Variants in HTT observed in about 807,000 individuals in gnomAD.
HTT encodes the protein huntington disease protein.
HTT carries 104 observed loss-of-function variants against 362.3 expected under a neutral mutation model. The observed-to-expected ratio is 0.29, with a 90% CI of 0.24 to 0.34. The LOEUF is 0.34. HTT is among the 10% of genes least tolerant of loss of function. The probability of loss-of-function intolerance (pLI) is 1.00; values close to 1 mark genes in which losing one functional copy is unlikely to be tolerated. For missense variants in HTT, 3,301 were observed against 3,928.6 expected (o/e 0.84, Z 4.27); for synonymous variants, 1,577 against 1,548.7 (o/e 1.02, Z -0.43).
At chr4:3,096,317 G>A (rs1578494506) in intron 2 of HTT, among the ~76,000 whole-genome samples, 1 of 152,176 alleles carries the variant, frequency 6.6e-6, no homozygotes, top group African/African-American at 2.4e-5. Context: ...TGTAGAACAC[G>A]TAGCCATAAT....
intron 1 of HTT, among the ~76,000 whole-genome samples, chr4:3,079,604 A>C (rs572428873): frequency 6.6e-6 from 1 of 152,354 alleles, no homozygotes; most frequent in South Asian, 2.1e-4. Flanking sequence ...AGTAAGGTCC[A>C]AGAGGTCAAG....
chr4:3,186,624 G>C lies in HTT; in HGVS notation c.4894G>C (p.Gly1632Arg). ...QMHIDSHEALGVLNTLFEILA... is the reference protein window; with the variant it reads ...QMHIDSHEALRVLNTLFEILA... The stretch of plus-strand genomic sequence containing the variant: ...GCACATTGACTCTCATGAAGCCCTT[G>C]GAGTGTTAAATACATTATTTGAGAT... Residue 1632 changes from glycine to arginine, a missense_variant, in exon 38 of 67, where the codon GGA (glycine) becomes CGA (arginine). Gly to Arg is a moderately radical substitution (Grantham distance 125). This residue lies in a region of HTT where 2,316 missense variants were observed against 2,658.5 expected (regional missense o/e 0.87). Transcript: ENST00000355072. 6.2e-7 allele frequency: 1 copy of C among 1,610,194 alleles called. No individual in the cohort carries two copies. The highest frequency in any genetic ancestry group is 8.5e-7 in the Non-Finnish European group (1 of 1,177,446).
rs368380145 is a variant in HTT, at chr4:3,220,247, C to T, written c.7308C>T (p.Pro2436=). 27 of 1,614,084 alleles carry T rather than the reference C, an allele frequency of 1.7e-5. No homozygotes were observed. The East Asian group carries it at 4.0e-4, about 24-fold the overall frequency. ...GDFGTAFPEI[P]VEFLQEKEVF... is the part of the protein sequence containing the mutation. ...TTGGCACAGCATTCCCTGAGATCCC[C>T]GTGGAGTTCCTCCAGGAAAAGGAAG... Residue 2436 remains proline, a synonymous_variant, in exon 53 of 67, where the codon CCC becomes CCT. Transcript: ENST00000355072.
chr4:3,213,301 G>C (rs1160152924), intron 49 of HTT, among the ~76,000 whole-genome samples: 1 of 152,232 alleles, frequency 6.6e-6, no homozygotes, highest in Admixed American at 6.5e-5. Flanking sequence ...CATATGGTTT[G>C]TGATCCCTGT....
At position 3,225,752 on chromosome 4, in the gene HTT, C is replaced by G; in HGVS notation, c.7848+9C>G. ...GCTACAAACTCGGCCAGGTCAGTCT[C>G]GCGCCCCCGCCGCCTGGCCTCTGTC... On this transcript the variant is annotated intron_variant, in intron 57 of 66. Coordinates refer to ENST00000355072, the MANE Select transcript of HTT (RefSeq NM_001388492.1). 6.2e-7 allele frequency: 1 copy of G among 1,609,550 alleles called. No homozygotes were observed. Among genetic ancestry groups the G allele is most frequent in the Non-Finnish European group, 8.5e-7 (1 of 1,177,324 alleles).
chr4:3,221,308 C>T (rs1458438927), intron 53 of HTT, among the ~76,000 whole-genome samples: 6 of 152,196 alleles, frequency 3.9e-5, no homozygotes, highest in East Asian at 1.9e-4. Flanking sequence ...CCTCACGGAG[C>T]TCCTCCTCTT....
chr4:3,205,901 A>G (rs1300257263), intron 42 of HTT, among the ~76,000 whole-genome samples: 1 of 152,224 alleles, frequency 6.6e-6, no homozygotes, highest in Non-Finnish European at 1.5e-5. Context: ...AAGGCTCTGC[A>G]TGTTTAAAAA....
chr4:3,148,792 C>T (rs530777776), intron 26 of HTT, among the ~76,000 whole-genome samples: 6 of 147,556 alleles, frequency 4.1e-5, no homozygotes, highest in South Asian at 2.2e-4. Context: ...AGCGAGACTC[C>T]GTCTCAAAAA....
At position 3,238,998 on chromosome 4, in the gene HTT, G is replaced by C; in HGVS notation, c.9215+20G>C. 6.3e-7 allele frequency: 1 copy of C among 1,590,524 alleles called. No individual in the cohort carries two copies. Among genetic ancestry groups the C allele is most frequent in the Non-Finnish European group, 8.5e-7 (1 of 1,170,906 alleles). On this transcript the variant is annotated intron_variant, in intron 66 of 66. Transcript: ENST00000355072. ...GGCGATGTATCCTCTCTGGGTCCCTGGTGCTGGCCCCGTTTCCCTTGTCAA... is the reference window on the plus strand; with the variant it reads ...GGCGATGTATCCTCTCTGGGTCCCTCGTGCTGGCCCCGTTTCCCTTGTCAA...
intron 6 of HTT, among the ~76,000 whole-genome samples, 196 bp from the exon 7 acceptor site, chr4:3,115,108 A>C (rs1223846718): frequency 2.0e-5 from 3 of 152,216 alleles, no homozygotes. Flanking sequence ...TAAAGAAGCA[A>C]ATAGACTACA....
chr4:3,160,844 G>A (rs1402170718), intron 29 of HTT, among the ~76,000 whole-genome samples: 1 of 152,100 alleles, frequency 6.6e-6, no homozygotes, highest in Non-Finnish European at 1.5e-5. Context: ...CAGAAAGTCA[G>A]CGGCAGAGCC....
intron 40 of HTT, among the ~76,000 whole-genome samples, chr4:3,191,435 G>T (rs1264411031): frequency 6.6e-6 from 1 of 152,122 alleles, no homozygotes; most frequent in South Asian, 2.1e-4. Context: ...GCCTCCCAAA[G>T]TGCTGGGATT....
At chr4:3,103,349 C>A (rs768835602) in intron 3 of HTT, among the ~76,000 whole-genome samples, 1 of 150,668 alleles carries the variant, frequency 6.6e-6, no homozygotes, top group Non-Finnish European at 1.5e-5. Flanking sequence ...CTCAGCCTCT[C>A]GAGTAGCTGG....
At chr4:3,088,745 T>C (rs1456282113) in intron 2 of HTT, among the ~76,000 whole-genome samples, 1 of 152,192 alleles carries the variant, frequency 6.6e-6, no homozygotes, top group Admixed American at 6.5e-5. Context: ...TTGTGTTTTT[T>C]TTTTGGTGAT....
chr4:3,206,773 A>T lies in HTT; in HGVS notation c.5899-34A>T. On this transcript the variant is annotated intron_variant, in intron 43 of 66. Transcript: ENST00000355072. This position sits in a 1 kb window ranked among gnomAD's most constrained non-coding sequence, Gnocchi z 4.6. ...AACTTTAATTTCTGATTTGCAAAAT[A>T]GTCATCTTTTGTTCTTTTCCTTCTT... 6.3e-7 allele frequency: 1 copy of T among 1,591,388 alleles called. No homozygotes were observed. Among genetic ancestry groups the T allele is most frequent in the Non-Finnish European group, 8.6e-7 (1 of 1,166,674 alleles).
chr4:3,105,607 C>T (rs3733217), intron 5 of HTT, among the ~76,000 whole-genome samples, 171 bp downstream of exon 5: 5,817 of 152,290 alleles, frequency 0.038, 189 homozygotes, highest in East Asian at 0.11. Flanking sequence ...GAAATTGTCA[C>T]GTACAGTCTA....
At chr4:3,180,807 G>A (rs1718480153) in intron 36 of HTT, 156 bp downstream of exon 36, 1 of 285,526 alleles carries the variant, frequency 3.5e-6, no homozygotes, top group Non-Finnish European at 6.3e-6. Context: ...GGGGGATGGG[G>A]AGGGAGGCGG....
intron 57 of HTT, among the ~76,000 whole-genome samples, chr4:3,226,862 G>A (rs1242472240): frequency 6.6e-6 from 1 of 152,232 alleles, no homozygotes; most frequent in East Asian, 1.9e-4. Context: ...CAGGAAGCAG[G>A]GAGCTACTGG....
intron 63 of HTT, 94 bp downstream of exon 63, chr4:3,235,872 C>T: frequency 4.1e-6 from 4 of 977,256 alleles, no homozygotes; most frequent in Non-Finnish European, 6.2e-6. Flanking sequence ...TAGGTGCCCT[C>T]TGATTTCACA....
Sources: allele counts gnomAD v4.1 joint callset (sites outside exome capture counted in the v4.1 genomes callset), GRCh38; gene constraint gnomAD v4.1.1; regional missense constraint gnomAD v4.1.1; non-coding constraint Gnocchi (gnomAD v3.1); transcripts MANE v1.5; gene names NCBI Gene and HGNC (gene_info 2026-07-23, HGNC 2026-07-21).